RAB11FIP4: variants seen among roughly 807,000 people sequenced by gnomAD.
RAB11FIP4 encodes rab11 family-interacting protein 4.
A neutral mutation model predicts 74.3 loss-of-function variants in RAB11FIP4; 23 were observed. The observed-to-expected ratio is 0.31, with a 90% confidence interval of 0.22 to 0.44. RAB11FIP4 has a LOEUF of 0.44. Among genes scored for constraint, RAB11FIP4 ranks in the 20% least tolerant of loss-of-function variants. The pLI is 1.00. For missense variants in RAB11FIP4, 630 were observed against 863.9 expected (o/e 0.73, Z 3.39); for synonymous variants, 360 against 359.9 (o/e 1.00, Z 0.00).
chr17:31,410,336 G>A (rs2071081255), intron 1 of RAB11FIP4, among the ~76,000 whole-genome samples: 1 of 152,130 alleles, frequency 6.6e-6, no homozygotes, highest in Non-Finnish European at 1.5e-5. Flanking sequence ...TGAGGATGAT[G>A]ATGATGATGA....
At chr17:31,528,928 C>T in intron 13 of RAB11FIP4, 150 bp downstream of exon 13, 1 of 857,136 alleles carries the variant, frequency 1.2e-6, no homozygotes, top group South Asian at 1.8e-5. Context: ...GCTGACTGCC[C>T]CATTTCACAG....
At chr17:31,530,202 C>T (rs533710162) in intron 13 of RAB11FIP4, 124 bp from the exon 14 acceptor site, 42 of 1,284,612 alleles carry the variant, frequency 3.3e-5, no homozygotes, top group African/African-American at 1.8e-4. Flanking sequence ...TTGAACCAGC[C>T]GTGACACACA....
At chr17:31,463,542 G>T (rs1291538229) in intron 3 of RAB11FIP4, among the ~76,000 whole-genome samples, 5 of 152,136 alleles carry the variant, frequency 3.3e-5, no homozygotes, top group Admixed American at 3.3e-4. Context: ...CCAGGCCAGA[G>T]GCAGCCAGCA....
intron 3 of RAB11FIP4, among the ~76,000 whole-genome samples, chr17:31,469,270 G>C (rs1232270025): frequency 6.6e-6 from 1 of 152,126 alleles, no homozygotes; most frequent in Non-Finnish European, 1.5e-5. Flanking sequence ...CGGTCTGGGA[G>C]GGGTAATTGG....
chr17:31,424,114 G>T (rs1288399708), intron 1 of RAB11FIP4, among the ~76,000 whole-genome samples: 2 of 152,124 alleles, frequency 1.3e-5, no homozygotes, highest in African/African-American at 4.8e-5. Flanking sequence ...ACAGTTCTGG[G>T]ATTTGGGCTC....
intron 7 of RAB11FIP4, chr17:31,522,855 T>C (rs967424594): frequency 5.6e-6 from 1 of 177,298 alleles, no homozygotes; most frequent in Non-Finnish European, 1.2e-5. Flanking sequence ...CACTCAGGGC[T>C]CTGGGAGCTG....
At chr17:31,397,154 A>T (rs1204100093) in intron 1 of RAB11FIP4, among the ~76,000 whole-genome samples, 1 of 152,182 alleles carries the variant, frequency 6.6e-6, no homozygotes, top group African/African-American at 2.4e-5. Flanking sequence ...ATTGGATAAC[A>T]GGGAAGAAAC....
intron 1 of RAB11FIP4, among the ~76,000 whole-genome samples, chr17:31,396,503 A>G (rs1309568359): frequency 6.6e-6 from 1 of 152,234 alleles, no homozygotes; most frequent in Non-Finnish European, 1.5e-5. Flanking sequence ...CAGAGTAGGC[A>G]TAATATCAGA....
intron 11 of RAB11FIP4, 82 bp from the exon 12 acceptor site, chr17:31,528,324 G>T (rs951177947): frequency 8.0e-6 from 12 of 1,498,328 alleles, no homozygotes; most frequent in Admixed American, 2.1e-5. Flanking sequence ...GAAGATGGCT[G>T]ACCAGACCCC....
chr17:31,466,513 G>A (rs190177062), intron 3 of RAB11FIP4, among the ~76,000 whole-genome samples: 102 of 152,318 alleles, frequency 6.7e-4, no homozygotes, highest in Non-Finnish European at 1.1e-3. Flanking sequence ...GGCTGAGAAT[G>A]TTATGCAGAG....
intron 1 of RAB11FIP4, among the ~76,000 whole-genome samples, chr17:31,423,454 AC>A (rs2071218709): frequency 6.6e-6 from 1 of 152,130 alleles, no homozygotes; most frequent in Non-Finnish European, 1.5e-5. Flanking sequence ...TGCAGCCTCA[AC>A]CCCCTGGCCT....
At chr17:31,488,194 C>T in intron 3 of RAB11FIP4, 1 of 1,095,476 alleles carries the variant, frequency 9.1e-7, no homozygotes, top group Non-Finnish European at 1.1e-6. Context: ...CGCGCGCCGC[C>T]GACCCGCGCC....
chr17:31,532,508 T>C lies in RAB11FIP4; in HGVS notation c.*776T>C, dbSNP rs1314287006. On this transcript the variant is annotated 3_prime_UTR_variant, in exon 15 of 15. Transcript: ENST00000621161. ...ACTGCGTCATTGTAACATGAAGGGA[T>C]AAAAATGAAGGAGAAGGAGGGTTTG... The C allele has an allele frequency of 6.6e-6, 1 of 152,562 alleles. No individual in the cohort carries two copies. The highest frequency in any genetic ancestry group is 1.5e-5 in the Non-Finnish European group (1 of 68,040). 9.5% of individuals were successfully genotyped at this position (152,562 alleles called of 1,614,324 possible).
At chr17:31,430,524 A>AT (rs369027337) in intron 1 of RAB11FIP4, among the ~76,000 whole-genome samples, 14,920 of 150,890 alleles carry the variant, frequency 0.099, 1,248 homozygotes, top group East Asian at 0.32. Context: ...CGCCCGGCTA[A>AT]TTTTTTTTGT....
chr17:31,519,550 CT>C (rs1213933112), intron 4 of RAB11FIP4, among the ~76,000 whole-genome samples: 1 of 152,098 alleles, frequency 6.6e-6, no homozygotes, highest in Non-Finnish European at 1.5e-5. Flanking sequence ...ACCATTGTGG[CT>C]GAGGAAGCCG....
chr17:31,446,024 T>C (rs1489425346), intron 3 of RAB11FIP4, among the ~76,000 whole-genome samples: 2 of 151,736 alleles, frequency 1.3e-5, no homozygotes, highest in African/African-American at 2.4e-5. Flanking sequence ...TTTCTTTCTT[T>C]CTATTTTTTT....
intron 4 of RAB11FIP4, 140 bp downstream of exon 4, chr17:31,518,017 G>T: frequency 1.5e-6 from 1 of 671,424 alleles, no homozygotes; most frequent in Non-Finnish European, 2.6e-6. Context: ...ATTCTGAATA[G>T]CACAAGATTC....
chr17:31,419,944 C>T (rs549448725), intron 1 of RAB11FIP4, among the ~76,000 whole-genome samples: 1 of 152,238 alleles, frequency 6.6e-6, no homozygotes, highest in South Asian at 2.1e-4. Context: ...CTCTTCTATT[C>T]TCTGGAAGAG....
chr17:31,489,539 C>T (rs1465965852), intron 3 of RAB11FIP4, among the ~76,000 whole-genome samples: 1 of 152,156 alleles, frequency 6.6e-6, no homozygotes, highest in Non-Finnish European at 1.5e-5. Context: ...CAAACCTTAC[C>T]CTGCTTTCTG....
Sources: gnomAD v4.1 joint callset for allele counts (sites outside exome capture counted in the v4.1 genomes callset) on GRCh38, gnomAD v4.1.1 for gene constraint, MANE v1.5 for transcripts, NCBI Gene and HGNC (gene_info 2026-07-23, HGNC 2026-07-21) for gene names.